The following PPP1R9A variants were observed in gnomAD, a reference collection of about 807,000 sequenced individuals.
PPP1R9A encodes the protein neurabin-1.
Under a neutral mutation model 141.9 loss-of-function variants are expected in PPP1R9A, and 59 were observed. That is an observed-to-expected ratio of 0.42 (90% CI 0.34 to 0.52). PPP1R9A has a LOEUF of 0.52. Ranked by LOEUF, PPP1R9A falls within the 20% of genes least tolerant of loss-of-function variation. The probability of loss-of-function intolerance (pLI) is 0.10; values close to 1 mark genes in which losing one functional copy is unlikely to be tolerated. For missense variants in PPP1R9A, 1,444 were observed against 1,611.9 expected (o/e 0.90, Z 1.78); for synonymous variants, 500 against 569.7 (o/e 0.88, Z 1.74).
chr7:95,210,957 C>G (rs115276543), intron 7 of PPP1R9A, among the ~76,000 whole-genome samples: 1,649 of 151,964 alleles, frequency 0.011, 31 homozygotes, highest in African/African-American at 0.037. Flanking sequence ...TGAGAACACA[C>G]GGACACAGGG....
chr7:95,204,989 C>T (rs557931854), intron 7 of PPP1R9A, among the ~76,000 whole-genome samples: 46 of 147,456 alleles, frequency 3.1e-4, no homozygotes, highest in Admixed American at 1.7e-3. Flanking sequence ...ACACCACAGA[C>T]GCACACACCA....
chr7:94,967,188 C>T (rs771014379), intron 2 of PPP1R9A, among the ~76,000 whole-genome samples: 2 of 151,992 alleles, frequency 1.3e-5, no homozygotes, highest in African/African-American at 4.8e-5. Flanking sequence ...TTTGTTGTGT[C>T]TATTTGTATC....
chr7:95,027,780 A>AGTTT (rs1200301348), intron 2 of PPP1R9A, among the ~76,000 whole-genome samples: 1 of 152,164 alleles, frequency 6.6e-6, no homozygotes, highest in Non-Finnish European at 1.5e-5. Context: ...CACGATGGTA[A>AGTTT]GTATTTGTAT....
intron 2 of PPP1R9A, among the ~76,000 whole-genome samples, chr7:95,039,557 G>GA (rs35700599): frequency 0.045 from 5,538 of 123,218 alleles, 328 homozygotes; most frequent in African/African-American, 0.14. Flanking sequence ...GACTACATCT[G>GA]AAAAAAAAAA....
chr7:94,968,055 G>A (rs978264072), intron 2 of PPP1R9A, among the ~76,000 whole-genome samples: 1 of 152,164 alleles, frequency 6.6e-6, no homozygotes. Context: ...AAATCTCTTC[G>A]TAGGTCTCTA....
intron 2 of PPP1R9A, among the ~76,000 whole-genome samples, chr7:95,078,617 T>A (rs1815254565): frequency 6.6e-6 from 1 of 152,196 alleles, no homozygotes; most frequent in Non-Finnish European, 1.5e-5. Flanking sequence ...AGTGTTCTAT[T>A]TCTCCACATC....
intron 8 of PPP1R9A, among the ~76,000 whole-genome samples, chr7:95,234,999 T>G (rs536552877): frequency 6.6e-6 from 1 of 152,190 alleles, no homozygotes; most frequent in East Asian, 1.9e-4. Context: ...ATCTCTCAAC[T>G]TATACAAAAA....
At chr7:95,245,964 C>T (rs1798066620) in intron 8 of PPP1R9A, among the ~76,000 whole-genome samples, 1 of 152,112 alleles carries the variant, frequency 6.6e-6, no homozygotes. Context: ...GCGGCAGAAT[C>T]AAACTGAAAA....
chr7:95,167,014 G>A (rs1397076428), intron 5 of PPP1R9A, among the ~76,000 whole-genome samples: 2 of 152,144 alleles, frequency 1.3e-5, no homozygotes, highest in Non-Finnish European at 2.9e-5. Flanking sequence ...GAAAAAACCT[G>A]TATTAGTCCA....
chr7:95,154,093 C>T (rs1320118321), intron 4 of PPP1R9A, among the ~76,000 whole-genome samples: 2 of 150,624 alleles, frequency 1.3e-5, no homozygotes, highest in Non-Finnish European at 3.0e-5. Flanking sequence ...TATATGTTTC[C>T]TTCTACTCAT....
chr7:95,013,879 TA>T (rs1804752484), intron 2 of PPP1R9A, among the ~76,000 whole-genome samples: 3 of 152,148 alleles, frequency 2.0e-5, no homozygotes, highest in Admixed American at 2.0e-4. Context: ...ATTTCAGATT[TA>T]AAGAAAGATT....
intron 12 of PPP1R9A, among the ~76,000 whole-genome samples, chr7:95,260,697 T>A (rs960376961): frequency 6.7e-6 from 1 of 149,800 alleles, no homozygotes; most frequent in African/African-American, 2.5e-5. Context: ...AAAAAAAAGT[T>A]GCTTCAAGAG....
intron 5 of PPP1R9A, among the ~76,000 whole-genome samples, chr7:95,171,188 T>C (rs1445240990): frequency 6.6e-6 from 1 of 151,552 alleles, no homozygotes; most frequent in Non-Finnish European, 1.5e-5. Context: ...AATGAAGAGA[T>C]GTATAGAAAA....
At position 95,008,328 on chromosome 7, in the gene PPP1R9A, C is replaced by T. The variant is rs147925799; in HGVS notation, c.1395+96820C>T. ...CACCTACTTGAAATCTCCCTACAAT[C>T]GGCATACAGATATATATGAAGCTTT... On this transcript the variant is annotated intron_variant, in intron 2 of 19. Coordinates refer to ENST00000433360, the MANE Select transcript of PPP1R9A (RefSeq NM_001166160.2). 3.7e-3 allele frequency among the ~76,000 whole-genome samples: 558 copies of T among 152,192 alleles called. 3 individuals carry two copies. The highest frequency in any genetic ancestry group is 0.013 in the African/African-American group (522 of 41,526).
chr7:95,109,217 G>C (rs756235876), intron 2 of PPP1R9A, among the ~76,000 whole-genome samples: 17 of 152,096 alleles, frequency 1.1e-4, no homozygotes, highest in Non-Finnish European at 1.3e-4. Flanking sequence ...GTGAATTTCT[G>C]TTTATTCTTC....
chr7:94,942,013 T>C (rs1468484853), intron 2 of PPP1R9A, among the ~76,000 whole-genome samples: 2 of 152,060 alleles, frequency 1.3e-5, no homozygotes, highest in African/African-American at 2.4e-5. Flanking sequence ...GAAATATATA[T>C]ATGAAGGGCC....
At chr7:95,043,328 C>G (rs1809526368) in intron 2 of PPP1R9A, among the ~76,000 whole-genome samples, 1 of 152,164 alleles carries the variant, frequency 6.6e-6, no homozygotes, top group African/African-American at 2.4e-5. Flanking sequence ...GCACATTTCA[C>G]TAAATACCCT....
chr7:95,127,669 C>G (rs76811533), intron 4 of PPP1R9A, among the ~76,000 whole-genome samples: 10 of 152,116 alleles, frequency 6.6e-5, no homozygotes, highest in Admixed American at 2.0e-4. Flanking sequence ...GTCTCCCTCT[C>G]TTGCTCTCCC....
chr7:95,096,150 G>A (rs1817985895), intron 2 of PPP1R9A, among the ~76,000 whole-genome samples: 1 of 152,126 alleles, frequency 6.6e-6, no homozygotes, highest in Non-Finnish European at 1.5e-5. Context: ...CCAGAACACT[G>A]TGGAAATACA....
Sources: allele counts gnomAD v4.1 joint callset (sites outside exome capture counted in the v4.1 genomes callset), GRCh38; gene constraint gnomAD v4.1.1; transcripts MANE v1.5; gene names NCBI Gene and HGNC (gene_info 2026-07-23, HGNC 2026-07-21).